JMJD1C: variants seen among roughly 807,000 people sequenced by gnomAD.
JMJD1C encodes jumonji domain-containing protein 1C.
Under a neutral mutation model 245.3 loss-of-function variants are expected in JMJD1C, and 31 were observed. The ratio of observed to expected loss-of-function variants is 0.13; its 90% CI spans 0.09 to 0.17. JMJD1C has a LOEUF of 0.17. Ranked by LOEUF, JMJD1C falls within the 10% of genes least tolerant of loss-of-function variation. The pLI is 1.00. For synonymous variants in JMJD1C, 1,057 were observed against 1,017.4 expected (o/e 1.04, Z -0.74); for missense variants, 2,691 against 3,000.2 (o/e 0.90, Z 2.41).
intron 1 of JMJD1C, chr10:63,382,927 C>CT (rs1947323636): frequency 2.2e-6 from 1 of 453,292 alleles, no homozygotes; most frequent in Non-Finnish European, 4.4e-6. Context: ...ACTGCAATTA[C>CT]TTTTTTTATA....
intron 2 of JMJD1C, among the ~76,000 whole-genome samples, chr10:63,275,358 G>C (rs1856682122): frequency 6.6e-6 from 1 of 152,174 alleles, no homozygotes; most frequent in Non-Finnish European, 1.5e-5. Context: ...AGCCTGTCTA[G>C]AAGAAACTGC....
At chr10:63,310,559 C>T (rs1396898549) in intron 2 of JMJD1C, among the ~76,000 whole-genome samples, 1 of 152,026 alleles carries the variant, frequency 6.6e-6, no homozygotes, top group Admixed American at 6.6e-5. Context: ...TGCTTAGAAA[C>T]GTAATACACT....
intron 1 of JMJD1C, among the ~76,000 whole-genome samples, chr10:63,432,252 T>G (rs1729318632): frequency 6.6e-6 from 1 of 152,230 alleles, no homozygotes; most frequent in Non-Finnish European, 1.5e-5. Context: ...CTGCACTGCC[T>G]TTATTCCACC....
chr10:63,421,090 A>G (rs1247862872), intron 1 of JMJD1C, among the ~76,000 whole-genome samples: 1 of 152,062 alleles, frequency 6.6e-6, no homozygotes, highest in Non-Finnish European at 1.5e-5. Context: ...ATCCCAACAC[A>G]ATGGGAGGCC....
intron 2 of JMJD1C, among the ~76,000 whole-genome samples, chr10:63,326,212 T>C (rs1369323549): frequency 1.3e-5 from 2 of 151,928 alleles, no homozygotes; most frequent in African/African-American, 4.8e-5. Context: ...GATGATAAAA[T>C]GGCCAGACGC....
intron 2 of JMJD1C, among the ~76,000 whole-genome samples, chr10:63,310,021 T>C (rs755832436): frequency 2.0e-5 from 3 of 152,196 alleles, no homozygotes; most frequent in East Asian, 1.9e-4. Context: ...TATTTCTCTA[T>C]ATCAGTATTT....
intron 3 of JMJD1C, among the ~76,000 whole-genome samples, chr10:63,224,732 G>C (rs1023026809): frequency 1.3e-5 from 2 of 152,026 alleles, no homozygotes; most frequent in Non-Finnish European, 2.9e-5. Context: ...GAATTTAAAA[G>C]GTCTTCAGCT....
intron 1 of JMJD1C, among the ~76,000 whole-genome samples, chr10:63,498,703 A>AT (rs144095414): frequency 6.7e-4 from 99 of 148,372 alleles, no homozygotes; most frequent in Admixed American, 1.1e-3. Flanking sequence ...TAGGACTCCT[A>AT]TTTTTTTTTT....
At position 63,465,497 on chromosome 10, in the gene JMJD1C, C is replaced by G. The variant is rs761119472; in HGVS notation, c.166G>C (p.Ala56Pro). The stretch of plus-strand genomic sequence containing the variant: ...AAGGGGGGCGCTGACTCTCTTACCG[C>G]CAGGTCCGGATTGCGGCTGTCCCTG... ...SHRDSRNPDL[A>P]VYVEFDDLEW... Residue 56 changes from alanine to proline, a missense_variant and splice_region_variant, in exon 1 of 26, where the codon GCG becomes CCG. Ala to Pro is a conservative substitution (Grantham distance 27, BLOSUM62 -1). Transcript: ENST00000399262. The G allele has an allele frequency of 6.2e-7, 1 of 1,601,724 alleles. No homozygotes were observed. Among genetic ancestry groups the G allele is most frequent in the Non-Finnish European group, 8.5e-7 (1 of 1,176,656 alleles).
intron 2 of JMJD1C, among the ~76,000 whole-genome samples, chr10:63,311,163 T>C (rs1939133508): frequency 1.3e-5 from 2 of 149,476 alleles, no homozygotes; most frequent in African/African-American, 4.9e-5. Context: ...CTGAGGTCTG[T>C]AGTTCGAGAC....
intron 1 of JMJD1C, among the ~76,000 whole-genome samples, chr10:63,393,249 C>G (rs1004549451): frequency 7.2e-5 from 11 of 152,096 alleles, no homozygotes; most frequent in African/African-American, 2.7e-4. Flanking sequence ...GCCTGGGCAA[C>G]AGAGTGAGAT....
chr10:63,397,407 T>G (rs1948575911), intron 1 of JMJD1C, among the ~76,000 whole-genome samples: 1 of 151,824 alleles, frequency 6.6e-6, no homozygotes, highest in African/African-American at 2.4e-5. Flanking sequence ...GAGACGGAGT[T>G]TCTCCTTGTT....
At chr10:63,211,845 A>C (rs1307944366) in intron 8 of JMJD1C, among the ~76,000 whole-genome samples, 2 of 150,246 alleles carry the variant, frequency 1.3e-5, no homozygotes, top group African/African-American at 4.9e-5. Context: ...AAAAAAAAAA[A>C]AACCCCACAA....
chr10:63,484,635 G>A (rs1310211914), intron 1 of JMJD1C, among the ~76,000 whole-genome samples: 1 of 151,322 alleles, frequency 6.6e-6, no homozygotes, highest in East Asian at 1.9e-4. Flanking sequence ...TACTTTTACT[G>A]TCTCTTAACT....
intron 16 of JMJD1C, among the ~76,000 whole-genome samples, chr10:63,191,535 T>C (rs1178829396): frequency 3.3e-5 from 5 of 152,196 alleles, no homozygotes; most frequent in Non-Finnish European, 5.9e-5. Context: ...CATTGTGATT[T>C]ATTCACCTAA....
chr10:63,367,541 C>A (rs967216966), intron 2 of JMJD1C, among the ~76,000 whole-genome samples: 3 of 152,042 alleles, frequency 2.0e-5, no homozygotes, highest in African/African-American at 7.2e-5. Flanking sequence ...CTACTGTACC[C>A]GGCAATTCAC....
chr10:63,337,043 G>T (rs1012986405), intron 2 of JMJD1C, among the ~76,000 whole-genome samples: 1 of 152,006 alleles, frequency 6.6e-6, no homozygotes. Flanking sequence ...GTTTCACCAT[G>T]TTGGCCAGGC....
At chr10:63,246,739 C>T (rs1852254641) in intron 3 of JMJD1C, among the ~76,000 whole-genome samples, 1 of 152,072 alleles carries the variant, frequency 6.6e-6, no homozygotes, top group Non-Finnish European at 1.5e-5. Context: ...AATCATACGG[C>T]AAACTGTCTT....
chr10:63,453,136 G>A (rs1952174698), intron 1 of JMJD1C, among the ~76,000 whole-genome samples: 1 of 152,024 alleles, frequency 6.6e-6, no homozygotes, highest in Admixed American at 6.6e-5. Context: ...CTGGCCGGGT[G>A]TGGTGGCAGG....
Sources: allele counts gnomAD v4.1 joint callset (sites outside exome capture counted in the v4.1 genomes callset), GRCh38; gene constraint gnomAD v4.1.1; transcripts MANE v1.5; gene names NCBI Gene and HGNC (gene_info 2026-07-23, HGNC 2026-07-21).